PTBP3: variants seen among roughly 807,000 people sequenced by gnomAD.
PTBP3 encodes the protein polypyrimidine tract-binding protein 3.
In PTBP3, 20 loss-of-function variants were observed where a neutral mutation model predicts 58.7. The observed-to-expected ratio is 0.34, with a 90% confidence interval of 0.24 to 0.50. The LOEUF is 0.50. Among genes scored for constraint, PTBP3 ranks in the 20% least tolerant of loss-of-function variants. PTBP3 has a pLI of 0.98. For missense variants in PTBP3, 509 were observed against 637.2 expected (o/e 0.80, Z 2.17); for synonymous variants, 185 against 219.8 (o/e 0.84, Z 1.40).
At chr9:112,256,498 T>C (rs1487892317) in intron 5 of PTBP3, among the ~76,000 whole-genome samples, 1 of 151,928 alleles carries the variant, frequency 6.6e-6, no homozygotes, top group African/African-American at 2.4e-5. Flanking sequence ...AAGAATTATA[T>C]CTAGACCTGG....
chr9:112,233,830 C>A (rs1215528580), intron 8 of PTBP3, among the ~76,000 whole-genome samples: 10 of 152,016 alleles, frequency 6.6e-5, no homozygotes, highest in Admixed American at 6.6e-4. Context: ...ACTCAGAAGG[C>A]TGAGGCATGA....
At chr9:112,314,986 CA>C (rs1030662217) in intron 1 of PTBP3, among the ~76,000 whole-genome samples, 2 of 152,114 alleles carry the variant, frequency 1.3e-5, no homozygotes, top group Non-Finnish European at 1.5e-5. Flanking sequence ...CACACGCTGC[CA>C]TGCCCGGCTA....
chr9:112,333,252 G>T (rs1315530802), intron 1 of PTBP3, among the ~76,000 whole-genome samples: 3 of 152,116 alleles, frequency 2.0e-5, no homozygotes, highest in Non-Finnish European at 4.4e-5. Context: ...TGTCCGGGGC[G>T]CCGCGTGGGG....
chr9:112,374,282 G>T, the PTBP3 span, among the ~76,000 whole-genome samples: 1 of 152,158 alleles, frequency 6.6e-6, no homozygotes, highest in African/African-American at 2.4e-5. Flanking sequence ...TGGAATCATT[G>T]TTGTGTCTCC....
At chr9:112,235,226 G>C (rs530073991) in intron 7 of PTBP3, among the ~76,000 whole-genome samples, 1 of 152,050 alleles carries the variant, frequency 6.6e-6, no homozygotes, top group Non-Finnish European at 1.5e-5. Flanking sequence ...TATCTGTGGG[G>C]TAACTATGCT....
intron 1 of PTBP3, among the ~76,000 whole-genome samples, chr9:112,300,570 G>A (rs978296496): frequency 1.3e-5 from 2 of 151,890 alleles, no homozygotes; most frequent in Non-Finnish European, 2.9e-5. Flanking sequence ...GGCTAACATG[G>A]TGAAACCCCG....
In PTBP3 at chr9:112,333,532, G is replaced by A. The variant is rs1587906951; in HGVS notation, c.-114C>T. The A allele has an allele frequency of 1.6e-5, 25 of 1,563,686 alleles. No homozygotes were observed. Among genetic ancestry groups the A allele is most frequent in the Admixed American group, 3.6e-5 (2 of 55,646 alleles). Reference sequence around the variant, plus strand: ...GACTGACGGGCTAACCGCGAGCAGAGGAAGCAGGCGGCGGCAGCAGGGCGG... The same window carrying A: ...GACTGACGGGCTAACCGCGAGCAGAAGAAGCAGGCGGCGGCAGCAGGGCGG... On this transcript the variant is annotated 5_prime_UTR_variant, in exon 1 of 14. Coordinates refer to ENST00000374257, the MANE Select transcript of PTBP3 (RefSeq NM_001163788.4).
At chr9:112,288,761 T>C (rs987113318) in intron 2 of PTBP3, among the ~76,000 whole-genome samples, 1 of 152,222 alleles carries the variant, frequency 6.6e-6, no homozygotes, top group African/African-American at 2.4e-5. Context: ...TCTTTAAACT[T>C]ACTAATTCTT....
At chr9:112,319,581 G>A (rs980491833) in intron 1 of PTBP3, among the ~76,000 whole-genome samples, 4 of 152,176 alleles carry the variant, frequency 2.6e-5, no homozygotes, top group African/African-American at 9.7e-5. Context: ...TGGTGGGAAT[G>A]TAAATTAGTA....
intron 6 of PTBP3, chr9:112,252,358 A>G (rs1296807672): frequency 6.6e-6 from 2 of 302,064 alleles, no homozygotes; most frequent in Non-Finnish European, 1.2e-5. Flanking sequence ...AGTAAATGAA[A>G]GCACGAGGGT....
rs769229916 is a variant in PTBP3 at position 112,251,048 on chromosome 9, G to A, written c.683C>T (p.Ser228Phe). ...NACCTLRIDF[S>F]KLTSLNVKYN... ...TTTCACATTAAGGCTGGTGAGCTTG[G>A]AGAAGTCAATGCGCAGAGTGCAGCA... Residue 228 changes from serine (S) to phenylalanine (F), a missense_variant, in exon 7 of 14, where the codon TCC becomes TTC. Ser to Phe is a radical substitution (Grantham distance 155). This residue lies in a region of PTBP3 where 41 missense variants were observed against 78.0 expected (regional missense o/e 0.53). Coordinates refer to ENST00000374257, the MANE Select transcript of PTBP3 (RefSeq NM_001163788.4). The A allele has an allele frequency of 1.2e-6, 2 of 1,611,936 alleles. No homozygotes were observed. Among genetic ancestry groups the A allele is most frequent in the Non-Finnish European group, 1.7e-6 (2 of 1,178,924 alleles).
At chr9:112,325,622 G>C (rs2132465984) in intron 1 of PTBP3, among the ~76,000 whole-genome samples, 1 of 146,070 alleles carries the variant, frequency 6.8e-6, no homozygotes, top group East Asian at 2.0e-4. Context: ...AGGAACTACT[G>C]ATATATGCAA....
chr9:112,221,976 T>C lies in PTBP3; in HGVS notation c.*1875A>G. ...GGAGTGAAGTGGCTATTCACAAATGTGATCATAGCGCACTGCAGCCTTGAA... is the reference window on the plus strand; with the variant it reads ...GGAGTGAAGTGGCTATTCACAAATGCGATCATAGCGCACTGCAGCCTTGAA... On this transcript the variant is annotated 3_prime_UTR_variant, in exon 14 of 14. Coordinates refer to ENST00000374257, the MANE Select transcript of PTBP3 (RefSeq NM_001163788.4). The C allele has an allele frequency of 1.1e-6, 1 of 921,914 alleles. No individual in the cohort carries two copies. The highest frequency in any genetic ancestry group is 1.3e-6 in the Non-Finnish European group (1 of 772,050). The allele number at this position is 921,914 out of a possible 1,614,324, so 57.1% of individuals were successfully genotyped here. A position where few individuals can be genotyped will look rare whatever the true frequency, so the allele number is the denominator to read the frequency against.
intron 1 of PTBP3, among the ~76,000 whole-genome samples, chr9:112,319,355 C>A (rs1407902632): frequency 6.6e-6 from 1 of 151,974 alleles, no homozygotes; most frequent in Non-Finnish European, 1.5e-5. Flanking sequence ...CTGGGCAATA[C>A]AGAGAAACTG....
chr9:112,268,881 ATTTAAG>A (rs896740009), intron 3 of PTBP3, among the ~76,000 whole-genome samples: 2 of 152,090 alleles, frequency 1.3e-5, no homozygotes, highest in African/African-American at 4.8e-5. Flanking sequence ...AGCGGCTGTG[ATTTAAG>A]TTTATCATTA....
At chr9:112,271,086 A>G (rs1221839114) in intron 3 of PTBP3, among the ~76,000 whole-genome samples, 2 of 151,984 alleles carry the variant, frequency 1.3e-5, no homozygotes, top group Non-Finnish European at 2.9e-5. Context: ...CTCAGCCTCC[A>G]AAAGTGCTGG....
the PTBP3 span, among the ~76,000 whole-genome samples, chr9:112,345,074 G>C: frequency 6.6e-6 from 1 of 151,870 alleles, no homozygotes; most frequent in East Asian, 1.9e-4. Context: ...CGGAGGTTGC[G>C]GTGAGCCGAG....
the PTBP3 span, among the ~76,000 whole-genome samples, chr9:112,365,657 A>C: frequency 4.6e-5 from 7 of 152,192 alleles, no homozygotes; most frequent in Admixed American, 3.9e-4. Context: ...AAGATACCGA[A>C]AAATGTGGAA....
chr9:112,363,991 A>C, the PTBP3 span, among the ~76,000 whole-genome samples: 1 of 152,082 alleles, frequency 6.6e-6, no homozygotes, highest in Non-Finnish European at 1.5e-5. Context: ...ATCTCTGCCT[A>C]TTGATCCCTC....
Sources: allele counts gnomAD v4.1 joint callset (sites outside exome capture counted in the v4.1 genomes callset), GRCh38; gene constraint gnomAD v4.1.1; regional missense constraint gnomAD v4.1.1; transcripts MANE v1.5; gene names NCBI Gene and HGNC (gene_info 2026-07-23, HGNC 2026-07-21).